Variants in GPR176 observed in about 807,000 individuals in gnomAD.
The protein encoded by GPR176 is G-protein coupled receptor 176.
A neutral mutation model predicts 35.4 loss-of-function variants in GPR176; 26 were observed. That is an observed-to-expected ratio of 0.74 (90% CI 0.54 to 1.02). The LOEUF (loss-of-function observed/expected upper bound fraction) is 1.02, where lower values mean the gene tolerates loss of function less well. Ranked by LOEUF, GPR176 falls within the 50% of genes least tolerant of loss-of-function variation. GPR176 has a pLI of 0.00. For synonymous variants in GPR176, 278 were observed against 271.3 expected, an observed-to-expected ratio of 1.02 and a Z score of -0.24; for missense variants, 597 against 665.3, an observed-to-expected ratio of 0.90 and a Z score of 1.13.
chr15:39,892,453 T>C (rs911052176), intron 1 of GPR176, among the ~76,000 whole-genome samples: 1 of 152,220 alleles, frequency 6.6e-6, no homozygotes, highest in Middle Eastern at 3.4e-3. Context: ...CTGTAAAGAG[T>C]TGAACTGTGT....
intron 1 of GPR176, among the ~76,000 whole-genome samples, chr15:39,894,268 C>T (rs1394802989): frequency 8.8e-6 from 1 of 113,590 alleles, no homozygotes; most frequent in Non-Finnish European, 2.1e-5. Context: ...GGGCTGACCC[C>T]CCCACCTCCC....
chr15:39,888,530 C>T (rs1245265423), intron 1 of GPR176, among the ~76,000 whole-genome samples: 2 of 152,194 alleles, frequency 1.3e-5, no homozygotes, highest in African/African-American at 2.4e-5. Flanking sequence ...CTGGCCTCAA[C>T]TGATCCTCCT....
At chr15:39,827,311 A>G (rs951745632) in intron 1 of GPR176, among the ~76,000 whole-genome samples, 1 of 152,202 alleles carries the variant, frequency 6.6e-6, no homozygotes, top group Non-Finnish European at 1.5e-5. Context: ...AAGGTGAAGC[A>G]GAGTACATGT....
intron 1 of GPR176, among the ~76,000 whole-genome samples, chr15:39,861,421 G>A (rs1204617800): frequency 6.6e-6 from 1 of 151,928 alleles, no homozygotes; most frequent in Non-Finnish European, 1.5e-5. Context: ...ATAGCGGTAT[G>A]CACCTGTAGT....
At chr15:39,807,588 CT>C in intron 1 of GPR176, 1 of 1,478,198 alleles carries the variant, frequency 6.8e-7, no homozygotes, top group Non-Finnish European at 9.1e-7. Context: ...GCAGTCTGCT[CT>C]TATCAAGTTT....
At chr15:39,802,828 G>C (rs1177808662) in intron 2 of GPR176, among the ~76,000 whole-genome samples, 1 of 152,180 alleles carries the variant, frequency 6.6e-6, no homozygotes, top group Non-Finnish European at 1.5e-5. Context: ...CTCCGACAAG[G>C]TCCTTCCACA....
chr15:39,807,026 G>A lies in GPR176; in HGVS notation c.405C>T (p.Phe135=), dbSNP rs987002472. 4 of 1,613,216 alleles carry A rather than the reference G, an allele frequency of 2.5e-6. No homozygotes were observed. Among genetic ancestry groups the A allele is most frequent in the Non-Finnish European group, 2.5e-6 (3 of 1,179,666 alleles). The stretch of plus-strand genomic sequence containing the variant: ...CTTACCTGTCCAAAGCAATAGCAGG[G>A]AAGCTGAGGATGGTCACAGAGCAGA... ...KVFCSVTILS[F]PAIALDRYYS... Residue 135 remains phenylalanine (F), a synonymous_variant, in exon 2 of 3, where the codon TTC becomes TTT. Coordinates refer to ENST00000561100, the MANE Select transcript of GPR176 (RefSeq NM_007223.3).
At chr15:39,910,858 T>C (rs1020707914) in intron 1 of GPR176, among the ~76,000 whole-genome samples, 1 of 151,984 alleles carries the variant, frequency 6.6e-6, no homozygotes, top group African/African-American at 2.4e-5. Context: ...GCCAACATGG[T>C]GAAACCCCAT....
At chr15:39,865,270 T>C (rs2031780194) in intron 1 of GPR176, among the ~76,000 whole-genome samples, 3 of 152,052 alleles carry the variant, frequency 2.0e-5, no homozygotes, top group African/African-American at 4.8e-5. Flanking sequence ...CACAGCACTA[T>C]CCACAATAGC....
intron 1 of GPR176, among the ~76,000 whole-genome samples, chr15:39,909,336 T>A (rs1408826501): frequency 6.6e-6 from 1 of 152,214 alleles, no homozygotes; most frequent in Non-Finnish European, 1.5e-5. Flanking sequence ...AACAGCTTCA[T>A]GGTTTCTGCT....
chr15:39,848,170 G>A (rs1367486108), intron 1 of GPR176, among the ~76,000 whole-genome samples: 2 of 152,080 alleles, frequency 1.3e-5, no homozygotes, highest in African/African-American at 4.8e-5. Flanking sequence ...ATTTGGGTAA[G>A]GACACAGAGT....
intron 1 of GPR176, among the ~76,000 whole-genome samples, chr15:39,908,550 CTT>C (rs199790696): frequency 1.4e-5 from 2 of 144,114 alleles, no homozygotes; most frequent in South Asian, 4.5e-4. Context: ...AGGAGATTTT[CTT>C]TTTTTTTTTT....
intron 1 of GPR176, among the ~76,000 whole-genome samples, chr15:39,914,309 C>CTTTTT (rs5812146): frequency 3.8e-4 from 27 of 71,082 alleles, no homozygotes; most frequent in East Asian, 8.6e-4. Context: ...ATATCTTATT[C>CTTTTT]TTTTTTTTTT....
At chr15:39,872,342 T>C (rs898454497) in intron 1 of GPR176, among the ~76,000 whole-genome samples, 3 of 152,078 alleles carry the variant, frequency 2.0e-5, no homozygotes, top group African/African-American at 7.2e-5. Flanking sequence ...ATACACGATG[T>C]GTACAGAGAA....
chr15:39,808,765 A>T (rs1899351935), intron 1 of GPR176, among the ~76,000 whole-genome samples: 1 of 152,246 alleles, frequency 6.6e-6, no homozygotes, highest in Non-Finnish European at 1.5e-5. Flanking sequence ...ACACACGGTA[A>T]TCAAAAGTCC....
Position 39,900,440 on chromosome 15 carries a change from T to C in GPR176, c.172+19415A>G, listed in dbSNP as rs148405112. On this transcript the variant is annotated intron_variant, in intron 1 of 2. Transcript: ENST00000561100. ...AGATTTCATGTAGCCTTTGCATTCA[T>C]GCCTTGAAACAGTACACAAATTAAA... Among the ~76,000 whole-genome samples, 311 of 152,324 alleles carry C rather than the reference T, an allele frequency of 2.0e-3. 1 individual carries two copies. Among genetic ancestry groups the C allele is most frequent in the Non-Finnish European group, 3.7e-3 (249 of 68,026 alleles).
chr15:39,824,065 T>C (rs1029081085), intron 1 of GPR176, among the ~76,000 whole-genome samples: 2 of 151,712 alleles, frequency 1.3e-5, no homozygotes, highest in African/African-American at 4.8e-5. Context: ...CCCATGGTAA[T>C]GAATGAGTTC....
intron 1 of GPR176, among the ~76,000 whole-genome samples, chr15:39,812,365 C>T (rs1899624416): frequency 6.6e-6 from 1 of 152,228 alleles, no homozygotes; most frequent in Non-Finnish European, 1.5e-5. Flanking sequence ...CGTGGAAAGA[C>T]TAGACTGGCT....
At chr15:39,890,826 G>T (rs1566964109) in intron 1 of GPR176, among the ~76,000 whole-genome samples, 1 of 152,190 alleles carries the variant, frequency 6.6e-6, no homozygotes, top group Non-Finnish European at 1.5e-5. Context: ...TGGAGCTGAG[G>T]TCCACCAGAC....
Sources: allele counts gnomAD v4.1 joint callset (sites outside exome capture counted in the v4.1 genomes callset), GRCh38; gene constraint gnomAD v4.1.1; transcripts MANE v1.5; gene names NCBI Gene and HGNC (gene_info 2026-07-23, HGNC 2026-07-21).